The following PCDHA4 variants were observed in gnomAD, a reference collection of about 807,000 sequenced individuals.
The protein encoded by PCDHA4 is protocadherin alpha-4.
Under a neutral mutation model 61.4 loss-of-function variants are expected in PCDHA4, and 49 were observed. The observed-to-expected ratio is 0.80, with a 90% confidence interval of 0.63 to 1.01. The LOEUF is 1.01. Ranked by LOEUF, PCDHA4 falls within the 50% of genes least tolerant of loss-of-function variation. The pLI, the probability that PCDHA4 is intolerant of heterozygous loss-of-function variation, is 0.00. For missense variants in PCDHA4, 1,254 were observed against 1,235.8 expected (o/e 1.01, Z -0.22); for synonymous variants, 590 against 550.3 (o/e 1.07, Z -1.01).
intron 1 of PCDHA4, chr5:140,869,246 T>C (rs782232383): frequency 1.2e-6 from 2 of 1,613,640 alleles, no homozygotes. Flanking sequence ...GTGGGCCGCA[T>C]CGCGCAGGAC....
rs113635864 is a variant in PCDHA4 at position 140,947,396 on chromosome 5, A to T, written c.2386-31553A>T. On this transcript the variant is annotated intron_variant, in intron 1 of 3. Coordinates refer to ENST00000530339, the MANE Select transcript of PCDHA4 (RefSeq NM_018907.4). ...ATATGTTTATCCTTTCACTAAAAGT[A>T]GACTGTCTTGATATTGTAGCTTTAT... Among the ~76,000 whole-genome samples the T allele has an allele frequency of 7.1e-3, 1,081 of 151,828 alleles. 11 individuals are homozygous for T. The highest frequency in any genetic ancestry group is 0.025 in the African/African-American group (1,045 of 41,538).
chr5:140,828,538 T>C (rs2150156522), intron 1 of PCDHA4: 19 of 1,614,100 alleles, frequency 1.2e-5, no homozygotes, highest in African/African-American at 6.7e-5. Context: ...GGCTGCCAGA[T>C]TCTGTGTTTC....
At chr5:140,833,751 A>AACACAC (rs34569136) in intron 1 of PCDHA4, among the ~76,000 whole-genome samples, 39 of 151,358 alleles carry the variant, frequency 2.6e-4, no homozygotes, top group Middle Eastern at 3.4e-3. Context: ...CTAAAAAGAA[A>AACACAC]ACACACACAC....
chr5:140,807,158 T>G lies in PCDHA4; in HGVS notation c.-30T>G. ...TTCCCTTGACTTTGAGAAACGATAT[T>G]TAATCAGAACAAAATACTGTGCACT... On this transcript the variant is annotated 5_prime_UTR_variant, in exon 1 of 4. It adds an upstream start codon to the 5' untranslated region. Transcript: ENST00000530339. 3.1e-6 allele frequency: 5 copies of G among 1,590,660 alleles called. No homozygotes were observed. Among genetic ancestry groups the G allele is most frequent in the Non-Finnish European group, 4.3e-6 (5 of 1,168,514 alleles).
intron 1 of PCDHA4, among the ~76,000 whole-genome samples, chr5:140,920,387 A>C (rs1163833842): frequency 6.6e-6 from 1 of 152,216 alleles, no homozygotes; most frequent in East Asian, 1.9e-4. Flanking sequence ...TCATATTACC[A>C]TCTGGTGTCT....
chr5:140,982,153 C>T (rs990862287), intron 2 of PCDHA4, among the ~76,000 whole-genome samples: 1 of 152,162 alleles, frequency 6.6e-6, no homozygotes, highest in Non-Finnish European at 1.5e-5. Flanking sequence ...GCTTCAGTAT[C>T]GAGATGTTAA....
At chr5:140,895,437 C>A (rs1250254286) in intron 1 of PCDHA4, among the ~76,000 whole-genome samples, 3 of 152,172 alleles carry the variant, frequency 2.0e-5, no homozygotes, top group Non-Finnish European at 2.9e-5. Context: ...TCCTGAGACT[C>A]TTTTCATGTG....
At position 140,871,233 on chromosome 5, in the gene PCDHA4, G is replaced by A. The variant is rs1277389723; in HGVS notation, c.2385+61661G>A. 5 of 1,613,838 alleles carry A rather than the reference G, an allele frequency of 3.1e-6. No individual in the cohort carries two copies. The African/African-American group carries it at 6.7e-5, about 22-fold the overall frequency. On this transcript the variant is annotated intron_variant, in intron 1 of 3. Transcript: ENST00000530339. ...CCATCTGCGTGGTGTCCAGCCTCCT[G>A]GTACTCACGCTGCTGCTGTATACGG...
At position 140,848,191 on chromosome 5, in the gene PCDHA4, G is replaced by A. The variant is rs1210714904; in HGVS notation, c.2385+38619G>A. On this transcript the variant is annotated intron_variant, in intron 1 of 3. Transcript: ENST00000530339. ...TCCAGCAAGAGAAACGGGATCTTCTGTTTCAACAATCATTACTTAAGAAAA... is the reference window on the plus strand; with the variant it reads ...TCCAGCAAGAGAAACGGGATCTTCTATTTCAACAATCATTACTTAAGAAAA... 1.3e-5 allele frequency: 4 copies of A among 297,926 alleles called. No homozygotes were observed. The East Asian group carries it at 2.5e-4, about 18-fold the overall frequency. The allele number at this position is 297,926 out of a possible 1,614,324, so 18.5% of individuals were successfully genotyped here.
At position 140,858,057 on chromosome 5, in the gene PCDHA4, A is replaced by G. The variant is rs781982906; in HGVS notation, c.2385+48485A>G. On this transcript the variant is annotated intron_variant, in intron 1 of 3. Coordinates refer to ENST00000530339, the MANE Select transcript of PCDHA4 (RefSeq NM_018907.4). ...GCCACTGTGCTTGTGTCGCTTGTGG[A>G]GGGCAGCCAGGCACCCAAGGCCTCG... 1.9e-6 allele frequency: 3 copies of G among 1,597,162 alleles called. No homozygotes were observed. In the South Asian group the frequency reaches 3.3e-5, roughly 18 times the overall value.
At chr5:140,870,671 A>T in intron 1 of PCDHA4, 1 of 1,612,606 alleles carries the variant, frequency 6.2e-7, no homozygotes, top group Non-Finnish European at 8.5e-7. Context: ...CAGCCGTTGG[A>T]CCACGAGGAG....
chr5:140,924,668 GC>G (rs2081945881), intron 1 of PCDHA4, among the ~76,000 whole-genome samples: 1 of 152,142 alleles, frequency 6.6e-6, no homozygotes, highest in Admixed American at 6.5e-5. Context: ...GCCGAGGCAG[GC>G]CAATCACTTG....
chr5:140,819,080 C>A (rs1036053903), intron 1 of PCDHA4, among the ~76,000 whole-genome samples: 1 of 152,100 alleles, frequency 6.6e-6, no homozygotes, highest in Admixed American at 6.5e-5. Flanking sequence ...ATACAGGCAG[C>A]GCTAAGATGT....
intron 1 of PCDHA4, chr5:140,877,297 T>C (rs782559386): frequency 6.2e-7 from 1 of 1,613,924 alleles, no homozygotes; most frequent in East Asian, 2.2e-5. Context: ...TTGGCTGTCC[T>C]ACGAGTTGCA....
chr5:140,836,439 AT>A (rs1774485155), intron 1 of PCDHA4: 1 of 1,613,702 alleles, frequency 6.2e-7, no homozygotes, highest in Admixed American at 1.7e-5. Context: ...ATCGTTGGGC[AT>A]TGCAGGCCCA....
At chr5:140,823,609 C>G (rs1554129478) in intron 1 of PCDHA4, 1 of 1,614,036 alleles carries the variant, frequency 6.2e-7, no homozygotes, top group Non-Finnish European at 8.5e-7. Flanking sequence ...TGAGCTGCAG[C>G]CAGCGCCTGG....
chr5:140,821,788 C>A, intron 1 of PCDHA4: 2 of 1,611,448 alleles, frequency 1.2e-6, no homozygotes, highest in African/African-American at 1.3e-5. Context: ...GGTATATTCC[C>A]GGAGAGGAAG....
intron 1 of PCDHA4, among the ~76,000 whole-genome samples, chr5:140,907,524 C>T (rs562373233): frequency 2.6e-5 from 4 of 152,314 alleles, no homozygotes; most frequent in Non-Finnish European, 4.4e-5. Flanking sequence ...GAGGACAAAT[C>T]GCTGCCCTTT....
intron 1 of PCDHA4, chr5:140,823,711 C>A: frequency 1.9e-6 from 3 of 1,613,966 alleles, no homozygotes; most frequent in Non-Finnish European, 2.5e-6. Context: ...GCGCCACCGC[C>A]TTCTGGTGCT....
Sources: allele counts gnomAD v4.1 joint callset (sites outside exome capture counted in the v4.1 genomes callset), GRCh38; gene constraint gnomAD v4.1.1; transcripts MANE v1.5; gene names NCBI Gene and HGNC (gene_info 2026-07-23, HGNC 2026-07-21).